TMEM106C: variants seen among roughly 807,000 people sequenced by gnomAD.
TMEM106C encodes endoplasmic reticulum membrane protein overexpressed in cancer.
TMEM106C carries 27 observed loss-of-function variants against 30.8 expected under a neutral mutation model. The ratio of observed to expected loss-of-function variants is 0.88; its 90% CI spans 0.65 to 1.21. The LOEUF (loss-of-function observed/expected upper bound fraction) is 1.21, where lower values mean the gene tolerates loss of function less well. TMEM106C is among the 50% of genes most tolerant of loss of function. The probability of loss-of-function intolerance (pLI) is 0.00; values close to 1 mark genes in which losing one functional copy is unlikely to be tolerated. For missense variants in TMEM106C, 288 were observed against 307.8 expected (o/e 0.94, Z 0.48); for synonymous variants, 123 against 118.8 (o/e 1.04, Z -0.23).
chr12:47,966,830 G>T (rs780169217), intron 6 of TMEM106C, 98 bp downstream of exon 6: 2 of 1,342,396 alleles, frequency 1.5e-6, no homozygotes, highest in Non-Finnish European at 2.1e-6. Flanking sequence ...TTAGATCTCA[G>T]CTTTTGACTT....
rs59253051 is a variant in TMEM106C at position 47,968,750 on chromosome 12, C to CT, written c.*534dup. On this transcript the variant is annotated 3_prime_UTR_variant, in exon 8 of 8. Transcript: ENST00000429772. ...GAAAAGAAAGAAAAAAGTGTGTTGG[C>CT]TTTTTTTTTTTTTAGAAAGTTAGAA... The CT allele has an allele frequency of 0.28, 42,406 of 150,008 alleles. 5,862 individuals are homozygous for CT. The highest frequency in any genetic ancestry group is 0.39 in the South Asian group (1,988 of 5,146). The allele number at this position is 150,008 out of a possible 1,614,324, so 9.3% of individuals were successfully genotyped here. A position where few individuals can be genotyped will look rare whatever the true frequency, so the allele number is the denominator to read the frequency against.
rs1156870816 is a variant in TMEM106C at position 47,968,304 on chromosome 12, A to G, written c.*75A>G. ...TATGTTCCCAAGGCCTGAGTTCTGG[A>G]CCTACCCCCACGTGGTGTAAGCAGA... On this transcript the variant is annotated 3_prime_UTR_variant, in exon 8 of 8. Transcript: ENST00000429772. The G allele has an allele frequency of 8.7e-7, 1 of 1,149,022 alleles. No homozygotes were observed. Among genetic ancestry groups the G allele is most frequent in the Non-Finnish European group, 1.3e-6 (1 of 765,822 alleles). 71.2% of individuals were successfully genotyped at this position (1,149,022 alleles called of 1,614,324 possible).
Position 47,964,288 on chromosome 12 carries a change from CAAG to C in TMEM106C, c.57_59del (p.Glu19del), listed in dbSNP as rs1450212764. The stretch of plus-strand genomic sequence containing the variant: ...TCGCCCCTCCTCCTGCAGGCGAAAG[CAAG>C]AAGATGACAGGGACGGTTTGCTGGC... On this transcript the variant is annotated inframe_deletion, in exon 2 of 8. Coordinates refer to ENST00000429772, the MANE Select transcript of TMEM106C (RefSeq NM_001143842.2). 8 of 1,613,920 alleles carry C rather than the reference CAAG, an allele frequency of 5.0e-6. No individual in the cohort carries two copies. The highest frequency in any genetic ancestry group is 1.3e-5 in the African/African-American group (1 of 74,904).
Position 47,966,010 on chromosome 12 carries a change from G to T in TMEM106C, c.411+13G>T. 1 of 1,614,142 alleles carries T rather than the reference G, an allele frequency of 6.2e-7. No homozygotes were observed. The highest frequency in any genetic ancestry group is 2.2e-5 in the East Asian group (1 of 44,880). ...TCTCACCATCATGGTAAGCCTTAGG[G>T]TTTCATTCCCTGGGTTGTGCACCTG... is the stretch of plus-strand genomic sequence containing the variant. On this transcript the variant is annotated intron_variant, in intron 4 of 7. Coordinates refer to ENST00000429772, the MANE Select transcript of TMEM106C (RefSeq NM_001143842.2).
rs140378577 is a variant in TMEM106C at position 47,964,353 on chromosome 12, A to G, written c.117A>G (p.Pro39=). The G allele has an allele frequency of 6.2e-6, 10 of 1,614,078 alleles. No individual in the cohort carries two copies. In the African/African-American group the frequency reaches 1.1e-4, roughly 17 times the overall value. ...REQEEAIAQF[P]YVEFTGRDSI... Reference sequence around the variant, plus strand: ...AGGAAGAAGCCATTGCTCAGTTCCCATATGTGGAATTCACCGGGAGAGATA... The same window carrying G: ...AGGAAGAAGCCATTGCTCAGTTCCCGTATGTGGAATTCACCGGGAGAGATA... The change falls in exon 2 of 8, where the codon CCA becomes CCG. Residue 39 remains proline (P), a synonymous_variant. Transcript: ENST00000429772.
At chr12:47,964,013 G>T in intron 1 of TMEM106C, 196 bp from the exon 2 acceptor site, 1 of 568,858 alleles carries the variant, frequency 1.8e-6, no homozygotes, top group South Asian at 2.0e-5. Context: ...ACCCCCGCCG[G>T]CTGTGTGTGG....
chr12:47,964,356 T>A lies in TMEM106C; in HGVS notation c.120T>A (p.Tyr40Ter). The A allele has an allele frequency of 6.2e-7, 1 of 1,614,170 alleles. No individual in the cohort carries two copies. The highest frequency in any genetic ancestry group is 8.5e-7 in the Non-Finnish European group (1 of 1,180,030). ...EQEEAIAQFP[Y>*]VEFTGRDSIT... is the part of the protein sequence containing the mutation. ...AAGAAGCCATTGCTCAGTTCCCATATGTGGAATTCACCGGGAGAGATAGCA... is the reference window on the plus strand; with the variant it reads ...AAGAAGCCATTGCTCAGTTCCCATAAGTGGAATTCACCGGGAGAGATAGCA... Residue 40 changes from tyrosine to a stop codon, truncating the protein, a stop_gained, in exon 2 of 8, where the codon TAT (tyrosine) becomes TAA (stop). Transcript: ENST00000429772. LOFTEE classifies it high-confidence loss of function.
Position 47,964,192 on chromosome 12 carries a change from C to A in TMEM106C, c.-28-17C>A. The A allele has an allele frequency of 6.3e-7, 1 of 1,592,028 alleles. No individual in the cohort carries two copies. Among genetic ancestry groups the A allele is most frequent in the Non-Finnish European group, 8.6e-7 (1 of 1,166,172 alleles). On this transcript the variant is annotated splice_polypyrimidine_tract_variant and intron_variant, in intron 1 of 7. Transcript: ENST00000429772. Reference sequence around the variant, plus strand: ...TTCACTGGGGCCGCTAACGTGCACTCCCTCTTTTCATCTTAGGACATGACA... The same window carrying A: ...TTCACTGGGGCCGCTAACGTGCACTACCTCTTTTCATCTTAGGACATGACA...
intron 5 of TMEM106C, 152 bp from the exon 6 acceptor site, chr12:47,966,531 A>G (rs994026134): frequency 5.8e-6 from 5 of 861,516 alleles, no homozygotes; most frequent in Middle Eastern, 2.2e-4. Context: ...GGCAGTATCA[A>G]TTAGAGGCTC....
intron 1 of TMEM106C, chr12:47,963,942 A>G (rs1210909964): frequency 1.1e-5 from 5 of 471,018 alleles, no homozygotes; most frequent in Non-Finnish European, 1.9e-5. Context: ...GGGTGCCCCA[A>G]GTCCCAGGGC....
intron 3 of TMEM106C, 180 bp from the exon 4 acceptor site, chr12:47,965,658 G>T: frequency 1.3e-6 from 1 of 798,978 alleles, no homozygotes; most frequent in East Asian, 2.4e-5. Context: ...AGTGCAAACA[G>T]TGTTTAAAGG....
chr12:47,966,584 T>A (rs1465790887), intron 5 of TMEM106C, 99 bp from the exon 6 acceptor site: 5 of 1,306,240 alleles, frequency 3.8e-6, no homozygotes, highest in Non-Finnish European at 4.4e-6. Context: ...ATTTTGCATG[T>A]GATGGAAGAA....
At position 47,963,639 on chromosome 12, in the gene TMEM106C, T is replaced by G. The variant is rs545050141; in HGVS notation, c.-94T>G. On this transcript the variant is annotated 5_prime_UTR_variant, in exon 1 of 8. Transcript: ENST00000429772. ...TCCGCCGACCGAAGAGGCTGGTAAG[T>G]CCTCAAGCTGGCAGGTGGTCGGGGG... 1 of 153,406 alleles carries G rather than the reference T, an allele frequency of 6.5e-6. No individual in the cohort carries two copies. Among genetic ancestry groups the G allele is most frequent in the Non-Finnish European group, 1.5e-5 (1 of 68,810 alleles). 9.5% of individuals were successfully genotyped at this position (153,406 alleles called of 1,614,324 possible). A position where few individuals can be genotyped will look rare whatever the true frequency, so the allele number is the denominator to read the frequency against.
intron 6 of TMEM106C, 67 bp from the exon 7 acceptor site, chr12:47,967,139 ACT>A: frequency 1.3e-6 from 2 of 1,530,086 alleles, no homozygotes; most frequent in Non-Finnish European, 1.8e-6. Context: ...GGACAGTGTA[ACT>A]CTGCACTCTT....
intron 3 of TMEM106C, 147 bp from the exon 4 acceptor site, chr12:47,965,691 T>A: frequency 9.9e-7 from 1 of 1,014,826 alleles, no homozygotes. Context: ...TTTCTCCTGC[T>A]TCACTGCTTC....
At position 47,965,991 on chromosome 12, in the gene TMEM106C, C is replaced by A. The variant is rs114780269; in HGVS notation, c.405C>A (p.Thr135=). The change falls in exon 4 of 8, where the codon ACC becomes ACA. Residue 135 remains threonine, a synonymous_variant. Coordinates refer to ENST00000429772, the MANE Select transcript of TMEM106C (RefSeq NM_001143842.2). The part of the protein sequence containing the change: ...FNKQDSLVIL[T]IMATLKIRNS... ...AGCAAGACTCCCTTGTAATTCTCACCATCATGGTAAGCCTTAGGGTTTCAT... is the reference window on the plus strand; with the variant it reads ...AGCAAGACTCCCTTGTAATTCTCACAATCATGGTAAGCCTTAGGGTTTCAT... 7.8e-5 allele frequency: 126 copies of A among 1,614,168 alleles called. No individual in the cohort carries two copies. In the African/African-American group the frequency reaches 1.5e-3, roughly 20 times the overall value.
intron 2 of TMEM106C, 196 bp downstream of exon 2, chr12:47,964,619 C>A (rs890165248): frequency 5.1e-6 from 3 of 590,446 alleles, no homozygotes; most frequent in African/African-American, 3.7e-5. Context: ...CCAACCCTTT[C>A]TTTTCTTTAC....
chr12:47,966,350 G>A (rs1225784683), intron 5 of TMEM106C, 121 bp downstream of exon 5: 6 of 1,183,326 alleles, frequency 5.1e-6, no homozygotes, highest in Non-Finnish European at 7.1e-6. Context: ...AGGAACTGGT[G>A]ATGAGGAAGA....
At chr12:47,967,333 T>C in intron 7 of TMEM106C, 72 bp downstream of exon 7, 1 of 1,530,862 alleles carries the variant, frequency 6.5e-7, no homozygotes, top group Non-Finnish European at 9.1e-7. Context: ...AGGAGGCCCC[T>C]GTGTGACCAC....
Sources: allele counts gnomAD v4.1 joint callset, GRCh38; gene constraint gnomAD v4.1.1; transcripts MANE v1.5; gene names NCBI Gene and HGNC (gene_info 2026-07-23, HGNC 2026-07-21).